The following CCDC183 variants were observed in gnomAD, a reference collection of about 807,000 sequenced individuals.
CCDC183 encodes the protein coiled-coil domain containing 183.
CCDC183 carries 63 observed loss-of-function variants against 65.2 expected under a neutral mutation model. The ratio of observed to expected loss-of-function variants is 0.97; its 90% CI spans 0.79 to 1.19. The LOEUF is 1.19. Ranked by LOEUF, CCDC183 falls within the 50% of genes most tolerant of loss-of-function variation. The probability of loss-of-function intolerance (pLI) is 0.00; values close to 1 mark genes in which losing one functional copy is unlikely to be tolerated. For synonymous variants in CCDC183, 323 were observed against 276.5 expected (o/e 1.17, Z -1.67); for missense variants, 769 against 689.3 (o/e 1.12, Z -1.30).
At chr9:136,796,507 T>TG (rs1564346920) in intron 1 of CCDC183, 40 bp downstream of exon 1, 1 of 1,409,972 alleles carries the variant, frequency 7.1e-7, no homozygotes. Flanking sequence ...CTTTCCCGTC[T>TG]GGGGGTTTCT....
Position 136,806,242 on chromosome 9 carries a change from C to A in CCDC183, c.1109+4C>A. ...GCCAGAAGCCTAGCTCCATCAGGTGCCCCGGGCTTCCGGGGCTGCGGGCCA... is the reference window on the plus strand; with the variant it reads ...GCCAGAAGCCTAGCTCCATCAGGTGACCCGGGCTTCCGGGGCTGCGGGCCA... On this transcript the variant is annotated splice_donor_region_variant and intron_variant, in intron 10 of 13. Transcript: ENST00000338005. 2 of 1,587,342 alleles carry A rather than the reference C, an allele frequency of 1.3e-6. No individual in the cohort carries two copies. Among genetic ancestry groups the A allele is most frequent in the South Asian group, 1.1e-5 (1 of 87,244 alleles).
intron 1 of CCDC183, among the ~76,000 whole-genome samples, chr9:136,797,385 A>G (rs1368716793): frequency 6.6e-6 from 1 of 151,722 alleles, no homozygotes; most frequent in East Asian, 1.9e-4. Context: ...AGGTCCTCGC[A>G]TGCTGAGTGT....
At chr9:136,799,814 A>AGACCC in intron 3 of CCDC183, 24 bp downstream of exon 3, 3 of 1,604,794 alleles carry the variant, frequency 1.9e-6, no homozygotes, top group Non-Finnish European at 2.6e-6. Flanking sequence ...AGGGGCCTCG[A>AGACCC]GACCCAACCC....
Position 136,806,106 on chromosome 9 carries a change from G to T in CCDC183, c.977G>T (p.Arg326Met). ...ATCACTAGCCGCTTCCTGGCCCAGA[G>T]GAACACGGAGGAGAACCTGGAGCTG... ...WDITSRFLAQ[R>M]NTEENLELQM... Residue 326 changes from arginine (R) to methionine (M), a missense_variant, in exon 10 of 14, where the codon AGG becomes ATG. Arg to Met is a moderately conservative substitution (Grantham distance 91). Transcript: ENST00000338005. 1.9e-6 allele frequency: 3 copies of T among 1,552,636 alleles called. No individual in the cohort carries two copies. The highest frequency in any genetic ancestry group is 2.6e-6 in the Non-Finnish European group (3 of 1,148,032).
intron 12 of CCDC183, 25 bp from the exon 13 acceptor site, chr9:136,806,945 G>A (rs2131142123): frequency 6.2e-7 from 1 of 1,613,502 alleles, no homozygotes. Context: ...GTGTCTGCAC[G>A]GCTGAAGGGG....
intron 3 of CCDC183, 96 bp from the exon 4 acceptor site, chr9:136,799,906 G>A (rs1269779870): frequency 3.3e-6 from 5 of 1,520,592 alleles, no homozygotes; most frequent in African/African-American, 1.4e-5. Context: ...CAGGTTCCCT[G>A]TGGGGTTGCC....
chr9:136,805,363 GA>G lies in CCDC183; in HGVS notation c.858del (p.Glu287ArgfsTer13), dbSNP rs752396335. On this transcript the variant is annotated frameshift_variant, in exon 9 of 14. Coordinates refer to ENST00000338005, the MANE Select transcript of CCDC183 (RefSeq NM_001039374.5). LOFTEE classifies it high-confidence loss of function. ...CTCCCCTCTGCTCTGCCAGTGAGGA[GA>G]AAAGAGACCTCCACAGCAGAAATGG... ...LMSTETLKLR[R>X]KETSTAEMEY... The G allele has an allele frequency of 6.2e-7, 1 of 1,613,042 alleles. No homozygotes were observed. Among genetic ancestry groups the G allele is most frequent in the Non-Finnish European group, 8.5e-7 (1 of 1,179,692 alleles).
At chr9:136,797,315 C>T (rs1847662530) in intron 1 of CCDC183, among the ~76,000 whole-genome samples, 1 of 152,160 alleles carries the variant, frequency 6.6e-6, no homozygotes, top group Non-Finnish European at 1.5e-5. Context: ...CTCCCCTCAC[C>T]AAGATAGTAA....
chr9:136,806,355 G>A (rs1425176765), intron 10 of CCDC183, 117 bp downstream of exon 10: 2 of 1,385,020 alleles, frequency 1.4e-6, no homozygotes, highest in African/African-American at 2.9e-5. Flanking sequence ...GTGTCCCACA[G>A]AGGGGCCAGG....
At chr9:136,803,740 G>A (rs1847790954) in intron 6 of CCDC183, among the ~76,000 whole-genome samples, 1 of 152,204 alleles carries the variant, frequency 6.6e-6, no homozygotes, top group Non-Finnish European at 1.5e-5. Context: ...GGCTAGGGAG[G>A]AGGAGGTACA....
intron 1 of CCDC183, among the ~76,000 whole-genome samples, chr9:136,798,826 C>T (rs534725835): frequency 9.2e-5 from 14 of 152,302 alleles, no homozygotes; most frequent in African/African-American, 2.2e-4. Context: ...CAAATCTGGA[C>T]GGGACCACAG....
chr9:136,802,208 C>T (rs553724813), intron 5 of CCDC183, among the ~76,000 whole-genome samples: 22 of 148,784 alleles, frequency 1.5e-4, no homozygotes, highest in African/African-American at 2.5e-4. Context: ...ACCTTCTGAA[C>T]GAGCCATCAT....
Position 136,804,327 on chromosome 9 carries a change from C to G in CCDC183, c.667-175C>G, listed in dbSNP as rs115789630. ...GCTCTGAGGCATGGGCAAGGAGGGCCGTGAGCTGAGGGGCCACGGGCACAA... is the reference window on the plus strand; with the variant it reads ...GCTCTGAGGCATGGGCAAGGAGGGCGGTGAGCTGAGGGGCCACGGGCACAA... On this transcript the variant is annotated intron_variant, in intron 6 of 13. Coordinates refer to ENST00000338005, the MANE Select transcript of CCDC183 (RefSeq NM_001039374.5). The surrounding 1 kb of genome is among the most constrained non-coding windows in gnomAD (Gnocchi z 4.1). The G allele has an allele frequency of 3.7e-3, 3,048 of 819,460 alleles. 67 individuals are homozygous for G. The African/African-American group carries it at 0.047, about 13-fold the overall frequency. 50.8% of individuals were successfully genotyped at this position (819,460 alleles called of 1,614,324 possible).
chr9:136,806,482 G>A (rs761242874), intron 10 of CCDC183, 22 bp from the exon 11 acceptor site: 3 of 1,613,030 alleles, frequency 1.9e-6, no homozygotes, highest in Non-Finnish European at 8.5e-7. Context: ...CCTCACTGCT[G>A]TGTCCCTATT....
intron 5 of CCDC183, 148 bp downstream of exon 5, chr9:136,800,641 A>C: frequency 1.6e-6 from 1 of 617,498 alleles, no homozygotes; most frequent in East Asian, 2.8e-5. Flanking sequence ...GCATGTGGAA[A>C]ACGTTTTTTT....
At chr9:136,800,750 T>C (rs1404889060) in intron 5 of CCDC183, 1 of 468,978 alleles carries the variant, frequency 2.1e-6, no homozygotes, top group African/African-American at 2.0e-5. Context: ...ATTGTTTGTA[T>C]CTTGCCTGTC....
chr9:136,800,079 G>A lies in CCDC183; in HGVS notation c.348G>A (p.Arg116=). 6.4e-7 allele frequency: 1 copy of A among 1,573,416 alleles called. No homozygotes were observed. The highest frequency in any genetic ancestry group is 8.6e-7 in the Non-Finnish European group (1 of 1,160,946). The change falls in exon 4 of 14, where the codon CGG becomes CGA. Residue 116 remains arginine, a synonymous_variant. Transcript: ENST00000338005. ...MHNLLIHLVR[R]RGQKLESMQL... ...ACCTACTGATCCACCTGGTGCGGCG[G>A]CGCGGGCAGAAGCTGGAGAGCATGC...
At chr9:136,800,538 C>G in intron 5 of CCDC183, 45 bp downstream of exon 5, 1 of 1,279,916 alleles carries the variant, frequency 7.8e-7, no homozygotes, top group Non-Finnish European at 1.1e-6. Context: ...GGGCTGGGAT[C>G]TGGGAGGGGC....
At chr9:136,805,709 C>T in intron 9 of CCDC183, 2 of 551,740 alleles carry the variant, frequency 3.6e-6, no homozygotes, top group South Asian at 2.3e-5. Flanking sequence ...CTGACACAAG[C>T]TTGTCCACTG....
Sources: gnomAD v4.1 joint callset for allele counts (sites outside exome capture counted in the v4.1 genomes callset) on GRCh38, gnomAD v4.1.1 for gene constraint, Gnocchi (gnomAD v3.1) non-coding constraint, MANE v1.5 for transcripts, NCBI Gene and HGNC (gene_info 2026-07-23, HGNC 2026-07-21) for gene names.